Variants in C8B observed in about 807,000 individuals in gnomAD.
C8B encodes the protein complement component C8 beta chain.
C8B carries 67 observed loss-of-function variants against 64.6 expected under a neutral mutation model. That is an observed-to-expected ratio of 1.04 (90% CI 0.85 to 1.27). The LOEUF is 1.27. C8B is among the 50% of genes most tolerant of loss of function. The pLI is 0.00. For synonymous variants in C8B, 284 were observed against 257.7 expected (o/e 1.10, Z -0.98); for missense variants, 790 against 725.2 (o/e 1.09, Z -1.03).
intron 8 of C8B, 70 bp from the exon 9 acceptor site, chr1:56,941,082 A>G (rs1644847601): frequency 2.6e-6 from 4 of 1,552,170 alleles, no homozygotes; most frequent in Non-Finnish European, 3.5e-6. Context: ...CTGCAACCCA[A>G]CCAACAATTT....
At chr1:56,959,062 T>A (rs586902) in intron 2 of C8B, among the ~76,000 whole-genome samples, 1 of 152,150 alleles carries the variant, frequency 6.6e-6, no homozygotes, top group Admixed American at 6.5e-5. Flanking sequence ...ATACAAGGAA[T>A]ACTGGACAGT....
chr1:56,963,864 TTCA>T (rs1337370970), intron 1 of C8B: 1 of 985,300 alleles, frequency 1.0e-6, no homozygotes, highest in African/African-American at 1.7e-5. Context: ...TGATTGTGAT[TTCA>T]TCATCTGACT....
chr1:56,963,246 G>A (rs1296058480), intron 1 of C8B, among the ~76,000 whole-genome samples: 1 of 152,140 alleles, frequency 6.6e-6, no homozygotes, highest in African/African-American at 2.4e-5. Flanking sequence ...GATCCATCCA[G>A]TACAGCAGGA....
intron 9 of C8B, among the ~76,000 whole-genome samples, chr1:56,939,995 CTT>C (rs1644826905): frequency 7.0e-6 from 1 of 142,434 alleles, no homozygotes; most frequent in African/African-American, 2.6e-5. Flanking sequence ...GTTGTGATGT[CTT>C]GTCCTGTAAG....
At chr1:56,943,425 A>C (rs900587512) in intron 8 of C8B, among the ~76,000 whole-genome samples, 6 of 152,244 alleles carry the variant, frequency 3.9e-5, no homozygotes, top group African/African-American at 1.4e-4. Context: ...AAGTGAACTA[A>C]CTATAGTTAT....
intron 6 of C8B, among the ~76,000 whole-genome samples, chr1:56,946,679 G>A (rs549949738): frequency 1.3e-5 from 2 of 152,250 alleles, no homozygotes; most frequent in Admixed American, 6.5e-5. Context: ...TTTACTATCT[G>A]GACCTTTACA....
intron 3 of C8B, 86 bp from the exon 4 acceptor site, chr1:56,954,913 C>CAAAAGGTCTGGCA: frequency 1.3e-6 from 2 of 1,532,334 alleles, no homozygotes; most frequent in Non-Finnish European, 1.8e-6. Flanking sequence ...AAGTGCCAGA[C>CAAAAGGTCTGGCA]CTTTTGTCAG....
chr1:56,962,759 G>A (rs60288657), intron 1 of C8B, among the ~76,000 whole-genome samples: 1,914 of 152,258 alleles, frequency 0.013, 48 homozygotes, highest in African/African-American at 0.044. Flanking sequence ...TACCCCCAGA[G>A]GGGCTATTGC....
chr1:56,931,576 G>A lies in C8B; in HGVS notation c.1621+234C>T, dbSNP rs138813115. On this transcript the variant is annotated intron_variant, in intron 11 of 11. Coordinates refer to ENST00000371237, the MANE Select transcript of C8B (RefSeq NM_000066.4). Reference sequence around the variant, plus strand: ...CAAAGAGATGGCTTACAAAAGCCACGCATTGATATTTCTCTAACATGAAGC... The same window carrying A: ...CAAAGAGATGGCTTACAAAAGCCACACATTGATATTTCTCTAACATGAAGC... 2.1e-4 allele frequency: 97 copies of A among 464,286 alleles called. 1 individual carries two copies. In the Middle Eastern group the frequency reaches 4.6e-3, roughly 22 times the overall value. The allele number at this position is 464,286 out of a possible 1,614,324, so 28.8% of individuals were successfully genotyped here. A position where few individuals can be genotyped will look rare whatever the true frequency, so the allele number is the denominator to read the frequency against.
chr1:56,955,922 C>T (rs1249787351), intron 3 of C8B, among the ~76,000 whole-genome samples: 2 of 152,152 alleles, frequency 1.3e-5, no homozygotes, highest in African/African-American at 4.8e-5. Context: ...CATCTGTTTG[C>T]TTGGATTCTC....
chr1:56,960,492 C>T lies in C8B; in HGVS notation c.93-316G>A, dbSNP rs188506353. Among the ~76,000 whole-genome samples the T allele has an allele frequency of 1.3e-3, 191 of 152,336 alleles. 5 individuals are homozygous for T. In the South Asian group the frequency reaches 0.035, roughly 28 times the overall value. ...ACATATCTGTGAGAAACATGCCTCA[C>T]GCCCTAGCTCTATGGGACTTTATCC... On this transcript the variant is annotated intron_variant, in intron 1 of 11. Coordinates refer to ENST00000371237, the MANE Select transcript of C8B (RefSeq NM_000066.4).
rs989831653 is a variant in C8B at position 56,959,709 on chromosome 1, C to G, written c.249+311G>C. ...GGTTTCCAAGTGGGCAAAGACAACT[C>G]AGACATACACTATGATTGCTTCCCC... On this transcript the variant is annotated intron_variant, in intron 2 of 11. Transcript: ENST00000371237. The G allele has an allele frequency of 1.1e-5, 12 of 1,073,586 alleles. No individual in the cohort carries two copies. In the African/African-American group the frequency reaches 1.9e-4, roughly 17 times the overall value. The allele number at this position is 1,073,586 out of a possible 1,614,324, so 66.5% of individuals were successfully genotyped here. A position where few individuals can be genotyped will look rare whatever the true frequency, so the allele number is the denominator to read the frequency against.
intron 9 of C8B, among the ~76,000 whole-genome samples, chr1:56,934,395 T>C (rs1644746913): frequency 6.6e-6 from 1 of 152,166 alleles, no homozygotes; most frequent in African/African-American, 2.4e-5. Flanking sequence ...GGCATGGCCA[T>C]GTTTGAGACG....
At chr1:56,945,067 G>A (rs1301340970) in intron 7 of C8B, among the ~76,000 whole-genome samples, 1 of 152,128 alleles carries the variant, frequency 6.6e-6, no homozygotes, top group Non-Finnish European at 1.5e-5. Context: ...TGTAAAGTAT[G>A]GTCTATTGGC....
At chr1:56,949,395 C>G (rs1474459700) in intron 6 of C8B, among the ~76,000 whole-genome samples, 160 bp downstream of exon 6, 1 of 152,166 alleles carries the variant, frequency 6.6e-6, no homozygotes, top group Admixed American at 6.5e-5. Context: ...AAGGCCCTCA[C>G]TATATGTGGC....
At chr1:56,943,075 A>G (rs1644888302) in intron 8 of C8B, among the ~76,000 whole-genome samples, 1 of 151,724 alleles carries the variant, frequency 6.6e-6, no homozygotes, top group Admixed American at 6.5e-5. Context: ...CTCTGTCTCA[A>G]AAAAATAAAA....
chr1:56,948,924 C>G (rs1233564416), intron 6 of C8B, among the ~76,000 whole-genome samples: 1 of 151,900 alleles, frequency 6.6e-6, no homozygotes, highest in Non-Finnish European at 1.5e-5. Context: ...TATTGAAACC[C>G]TAAGGGAAAA....
At chr1:56,958,101 T>G (rs1645127972) in intron 2 of C8B, among the ~76,000 whole-genome samples, 1 of 150,786 alleles carries the variant, frequency 6.6e-6, no homozygotes, top group South Asian at 2.1e-4. Flanking sequence ...AGTAGGAGAG[T>G]GGCCAGAGTG....
intron 1 of C8B, among the ~76,000 whole-genome samples, chr1:56,963,602 G>A (rs545864142): frequency 6.6e-6 from 1 of 151,816 alleles, no homozygotes; most frequent in South Asian, 2.1e-4. Flanking sequence ...GGGGTGGGGA[G>A]GGGACAACGC....
Sources: gnomAD v4.1 joint callset for allele counts (sites outside exome capture counted in the v4.1 genomes callset) on GRCh38, gnomAD v4.1.1 for gene constraint, MANE v1.5 for transcripts, NCBI Gene and HGNC (gene_info 2026-07-23, HGNC 2026-07-21) for gene names.